The following MARK4 variants were observed in gnomAD, a reference collection of about 807,000 sequenced individuals.
MARK4 encodes the protein MAP/microtubule affinity-regulating kinase 4.
MARK4 carries 19 observed loss-of-function variants against 81.5 expected under a neutral mutation model. The observed-to-expected ratio is 0.23, with a 90% confidence interval of 0.16 to 0.34. The LOEUF (loss-of-function observed/expected upper bound fraction) is 0.34. Among genes scored for constraint, MARK4 ranks in the 10% least tolerant of loss-of-function variants. MARK4 has a pLI of 1.00. For missense variants in MARK4, 772 were observed against 1,058.8 expected, an observed-to-expected ratio of 0.73 and a Z score of 3.76; for synonymous variants, 436 against 439.0, an observed-to-expected ratio of 0.99 and a Z score of 0.08.
intron 8 of MARK4, among the ~76,000 whole-genome samples, chr19:45,275,326 A>G (rs1970584412): frequency 6.6e-6 from 1 of 152,074 alleles, no homozygotes; most frequent in Admixed American, 6.6e-5. Context: ...TACAAAAAAT[A>G]TTTTTTAAAT....
rs1176507908 is a variant in MARK4 at position 45,302,683 on chromosome 19, C to T, written c.2232C>T (p.Thr744=). ...CCCTGGCCTTCCGCACCCTCGTCAC[C>T]CGCATCTCCAACGACCTCGAGCTCT... ...GTALAFRTLV[T]RISNDLEL is the part of the protein sequence containing the mutation. Residue 744 remains threonine (T), a synonymous_variant, in exon 17 of 17, where the codon ACC becomes ACT. Coordinates refer to ENST00000262891, the MANE Select transcript of MARK4 (RefSeq NM_001199867.2). The surrounding 1 kb of genome is among the most constrained non-coding windows in gnomAD (Gnocchi z 4.9). The T allele has an allele frequency of 6.5e-7, 1 of 1,536,806 alleles. No homozygotes were observed. The highest frequency in any genetic ancestry group is 8.7e-7 in the Non-Finnish European group (1 of 1,147,094).
chr19:45,290,891 C>G (rs569041087), intron 13 of MARK4, among the ~76,000 whole-genome samples: 2 of 152,264 alleles, frequency 1.3e-5, no homozygotes, highest in South Asian at 4.2e-4. Flanking sequence ...TGTGAGGGAA[C>G]CCCGTGGGGA....
chr19:45,294,542 G>A, intron 14 of MARK4, 90 bp downstream of exon 14: 8 of 1,151,396 alleles, frequency 6.9e-6, no homozygotes, highest in Non-Finnish European at 6.4e-6. Flanking sequence ...GGCATTGGAG[G>A]CTGGTGCCAT....
Position 45,266,236 on chromosome 19 carries a change from T to C in MARK4, c.504T>C (p.Ala168=), listed in dbSNP as rs1970451684. 6.2e-7 allele frequency: 1 copy of C among 1,613,832 alleles called. No individual in the cohort carries two copies. The highest frequency in any genetic ancestry group is 8.5e-7 in the Non-Finnish European group (1 of 1,179,806). Residue 168 remains alanine, a synonymous_variant, in exon 7 of 17, where the codon GCT becomes GCC. Transcript: ENST00000262891. ...ARAKFRQIVS[A]VHYCHQKNIV... ...CCCTTCCCTCCCAGATTGTTTCGGC[T>C]GTGCACTATTGTCACCAGAAAAATA...
rs1971035374 is a variant in MARK4, at chr19:45,305,247, C to G, written c.*2537C>G. On this transcript the variant is annotated 3_prime_UTR_variant, in exon 17 of 17. Coordinates refer to ENST00000262891, the MANE Select transcript of MARK4 (RefSeq NM_001199867.2). ...TAGCCTCTGGGTGTGGAGCTGGGATCTTCAACTGGGGACAGTACAGTAAAG... is the reference window on the plus strand; with the variant it reads ...TAGCCTCTGGGTGTGGAGCTGGGATGTTCAACTGGGGACAGTACAGTAAAG... The G allele has an allele frequency of 6.6e-6, 1 of 152,304 alleles. No individual in the cohort carries two copies. The highest frequency in any genetic ancestry group is 2.4e-5 in the African/African-American group (1 of 41,400). 9.4% of individuals were successfully genotyped at this position (152,304 alleles called of 1,614,324 possible).
In MARK4 at chr19:45,263,759, A is replaced by G. The variant is rs574285206; in HGVS notation, c.355+392A>G. 6.0e-5 allele frequency among the ~76,000 whole-genome samples: 9 copies of G among 150,874 alleles called. No individual in the cohort carries two copies. In the South Asian group the frequency reaches 1.9e-3, roughly 32 times the overall value. Reference sequence around the variant, plus strand: ...TTCATCTCAAAAAAAAAAAAAAAAGAAAAAGTTAGAGACCTGGTTTCTCAT... The same window carrying G: ...TTCATCTCAAAAAAAAAAAAAAAAGGAAAAGTTAGAGACCTGGTTTCTCAT... On this transcript the variant is annotated intron_variant, in intron 4 of 16. Transcript: ENST00000262891.
intron 7 of MARK4, 137 bp downstream of exon 7, chr19:45,266,418 C>G (rs1029723303): frequency 1.3e-6 from 1 of 796,460 alleles, no homozygotes; most frequent in African/African-American, 1.7e-5. Context: ...TCCCTCCACA[C>G]CCAGCACCCC....
chr19:45,265,640 G>A (rs959964540), intron 6 of MARK4, among the ~76,000 whole-genome samples: 2 of 151,074 alleles, frequency 1.3e-5, no homozygotes, highest in Admixed American at 1.3e-4. Context: ...TGTGGGGTAA[G>A]AGGAGATGCA....
intron 13 of MARK4, among the ~76,000 whole-genome samples, chr19:45,289,385 CAAAAAAAA>C (rs35129419): frequency 9.9e-4 from 51 of 51,524 alleles, no homozygotes; most frequent in African/African-American, 3.6e-3. Context: ...GACTCTGTTT[CAAAAAAAA>C]AAAAAAAAAA....
At chr19:45,253,401 G>A (rs1412461965) in intron 1 of MARK4, among the ~76,000 whole-genome samples, 2 of 152,192 alleles carry the variant, frequency 1.3e-5, no homozygotes, top group African/African-American at 4.8e-5. Flanking sequence ...GACATGGCCA[G>A]CTGGTTTGCC....
At chr19:45,277,190 G>A (rs1357175396) in intron 8 of MARK4, among the ~76,000 whole-genome samples, 1 of 151,906 alleles carries the variant, frequency 6.6e-6, no homozygotes, top group East Asian at 1.9e-4. Context: ...TGATTCTCGT[G>A]CCTCAGCCTC....
At chr19:45,300,753 T>A (rs768068947) in intron 16 of MARK4, among the ~76,000 whole-genome samples, 1 of 152,260 alleles carries the variant, frequency 6.6e-6, no homozygotes, top group Admixed American at 6.5e-5. Context: ...CAGGGCTGAC[T>A]CTCATTGGTT....
chr19:45,282,654 T>C (rs1970691322), intron 12 of MARK4, among the ~76,000 whole-genome samples: 1 of 152,196 alleles, frequency 6.6e-6, no homozygotes, highest in East Asian at 1.9e-4. Context: ...GGTGAAACCC[T>C]GTCTCTACTA....
intron 16 of MARK4, among the ~76,000 whole-genome samples, chr19:45,301,865 CAAA>C (rs11309011): frequency 4.2e-4 from 52 of 124,108 alleles, no homozygotes; most frequent in Non-Finnish European, 4.7e-4. Flanking sequence ...AACTCCGTCT[CAAA>C]AAAAAAAAAA....
rs191754054 is a variant in MARK4, at chr19:45,292,838, C to G, written c.1495-1511C>G. Among the ~76,000 whole-genome samples, 6 of 152,008 alleles carry G rather than the reference C, an allele frequency of 3.9e-5. No individual in the cohort carries two copies. In the South Asian group the frequency reaches 1.2e-3, roughly 31 times the overall value. ...AGTGAGCCATGATCACCCCACTGCA[C>G]TCCAGCCTAGGCATCAGAACAAGAC... On this transcript the variant is annotated intron_variant, in intron 13 of 16. Transcript: ENST00000262891.
chr19:45,253,035 C>T (rs1160312295), intron 1 of MARK4, among the ~76,000 whole-genome samples: 2 of 152,090 alleles, frequency 1.3e-5, no homozygotes, highest in African/African-American at 4.8e-5. Flanking sequence ...CCCTCCCCAT[C>T]TCCTGTGTCT....
rs1434233318 is a variant in MARK4 at position 45,264,785 on chromosome 19, C to T, written c.421+36C>T. 2.5e-6 allele frequency: 4 copies of T among 1,613,924 alleles called. No individual in the cohort carries two copies. The Admixed American group carries it at 6.7e-5, about 27-fold the overall frequency. The stretch of plus-strand genomic sequence containing the variant: ...CACCCTCTCCGCCCTGCCCCTGTGC[C>T]ACCTCCCCCTGCCGCTGCACCTGAC... On this transcript the variant is annotated intron_variant, in intron 5 of 16. Transcript: ENST00000262891.
intron 14 of MARK4, among the ~76,000 whole-genome samples, chr19:45,295,473 G>A (rs570537690): frequency 3.3e-5 from 5 of 152,036 alleles, no homozygotes; most frequent in African/African-American, 9.7e-5. Context: ...TTTCCTCCTC[G>A]GTAAAATGGG....
chr19:45,264,118 C>T (rs1243801108), intron 4 of MARK4, among the ~76,000 whole-genome samples: 4 of 152,046 alleles, frequency 2.6e-5, no homozygotes, highest in South Asian at 2.1e-4. Flanking sequence ...ATTGAGTGGC[C>T]GCTATGTGCC....
Sources: gnomAD v4.1 joint callset for allele counts (sites outside exome capture counted in the v4.1 genomes callset) on GRCh38, gnomAD v4.1.1 for gene constraint, Gnocchi (gnomAD v3.1) non-coding constraint, MANE v1.5 for transcripts, NCBI Gene and HGNC (gene_info 2026-07-23, HGNC 2026-07-21) for gene names.